The following CLUAP1 variants were observed in gnomAD, a reference collection of about 807,000 sequenced individuals.
CLUAP1 encodes clusterin-associated protein 1.
CLUAP1 carries 50 observed loss-of-function variants against 55.0 expected under a neutral mutation model. That is an observed-to-expected ratio of 0.91 (90% CI 0.72 to 1.15). The LOEUF (loss-of-function observed/expected upper bound fraction) is 1.15. CLUAP1 is among the 50% of genes most tolerant of loss of function. CLUAP1 has a pLI of 0.00. For missense variants in CLUAP1, 530 were observed against 507.6 expected (o/e 1.04, Z -0.42); for synonymous variants, 195 against 175.4 (o/e 1.11, Z -0.88).
chr16:3,512,334 T>C, intron 4 of CLUAP1, 49 bp from the exon 5 acceptor site: 1 of 1,446,090 alleles, frequency 6.9e-7, no homozygotes, highest in Non-Finnish European at 9.7e-7. Flanking sequence ...CTGTCTCTAT[T>C]AAAAAACATC....
At chr16:3,508,260 A>G in intron 3 of CLUAP1, 29 bp from the exon 4 acceptor site, 1 of 1,538,682 alleles carries the variant, frequency 6.5e-7, no homozygotes, top group South Asian at 1.2e-5. Flanking sequence ...AAGGGCCTTC[A>G]ACTTTTTTTT....
rs568637601 is a variant in CLUAP1, at chr16:3,538,562, T to C, written c.*2291T>C. On this transcript the variant is annotated 3_prime_UTR_variant, in exon 12 of 12. Transcript: ENST00000576634. ...ATAGAGTTCTATTTTCCTTATGTGA[T>C]GCTTTCTTCTAACACACTTTAACAC... 34 of 152,380 alleles carry C rather than the reference T, an allele frequency of 2.2e-4. No homozygotes were observed. The highest frequency in any genetic ancestry group is 7.7e-4 in the African/African-American group (32 of 41,590). 9.4% of individuals were successfully genotyped at this position (152,380 alleles called of 1,614,324 possible).
At chr16:3,501,452 G>A (rs761926086) in intron 1 of CLUAP1, among the ~76,000 whole-genome samples, 4 of 152,238 alleles carry the variant, frequency 2.6e-5, no homozygotes, top group Non-Finnish European at 4.4e-5. Flanking sequence ...AGAGTTTAGA[G>A]ACTATTTTTT....
the CLUAP1 span, chr16:3,495,620 T>C: frequency 3.4e-6 from 4 of 1,185,086 alleles, no homozygotes; most frequent in Non-Finnish European, 4.6e-6. Context: ...AAGAAAGGCA[T>C]GGGAAGGGGC....
At chr16:3,505,253 G>C (rs139169997) in intron 2 of CLUAP1, among the ~76,000 whole-genome samples, 1 of 152,122 alleles carries the variant, frequency 6.6e-6, no homozygotes, top group African/African-American at 2.4e-5. Flanking sequence ...AAATCAGGCC[G>C]GGCGCAGTGG....
chr16:3,518,322 C>G (rs533002264), intron 6 of CLUAP1, among the ~76,000 whole-genome samples: 2 of 152,130 alleles, frequency 1.3e-5, no homozygotes, highest in African/African-American at 4.8e-5. Flanking sequence ...AGTAGAACAC[C>G]CAAGAGAGGA....
chr16:3,522,988 G>C (rs117472079), intron 7 of CLUAP1, among the ~76,000 whole-genome samples, 170 bp from the exon 8 acceptor site: 2,522 of 152,174 alleles, frequency 0.017, 29 homozygotes, highest in Non-Finnish European at 0.027. Flanking sequence ...GTTCATTTTG[G>C]GGGGAGAAAG....
At chr16:3,506,309 C>G in intron 2 of CLUAP1, 22 bp from the exon 3 acceptor site, 1 of 1,598,352 alleles carries the variant, frequency 6.3e-7, no homozygotes, top group Non-Finnish European at 8.6e-7. Context: ...CCCGTGCTCT[C>G]TCCTCTTACC....
intron 5 of CLUAP1, 184 bp from the exon 6 acceptor site, chr16:3,515,324 C>G (rs1479236680): frequency 1.6e-5 from 8 of 489,798 alleles, no homozygotes; most frequent in Non-Finnish European, 7.0e-6. Context: ...CTGGAGAGAG[C>G]TGGGTAGGCA....
Position 3,519,884 on chromosome 16 carries a change from T to G in CLUAP1, c.580-19T>G. 1 of 1,574,462 alleles carries G rather than the reference T, an allele frequency of 6.4e-7. No individual in the cohort carries two copies. Among genetic ancestry groups the G allele is most frequent in the Non-Finnish European group, 8.6e-7 (1 of 1,166,566 alleles). ...TGTTTTTATTGCCACCTTGTCTCAT[T>G]ATTTCCCATTAAATATAGACACAGG... On this transcript the variant is annotated intron_variant, in intron 6 of 11. Transcript: ENST00000576634.
chr16:3,522,734 T>C (rs903570823), intron 7 of CLUAP1, among the ~76,000 whole-genome samples: 2 of 152,108 alleles, frequency 1.3e-5, no homozygotes, highest in African/African-American at 2.4e-5. Flanking sequence ...TTTAACTCTA[T>C]TGAGATTACG....
At position 3,529,600 on chromosome 16, in the gene CLUAP1, TATTATATATTATATAATATTATA is replaced by T. The variant is rs2038038496; in HGVS notation, c.929-967_929-945del. Among the ~76,000 whole-genome samples, 4 of 40,800 alleles carry T rather than the reference TATTATATATTATATAATATTATA, an allele frequency of 9.8e-5. 1 individual carries two copies. The highest frequency in any genetic ancestry group is 5.1e-4 in the African/African-American group (4 of 7,804). 26.8% of individuals were successfully genotyped at this position (40,800 alleles called of 152,430 possible). A position where few individuals can be genotyped will look rare whatever the true frequency, so the allele number is the denominator to read the frequency against. On this transcript the variant is annotated intron_variant, in intron 9 of 11. Transcript: ENST00000576634. Reference sequence around the variant, plus strand: ...TTATATAATATTATATATTATTATATATTATATATTATATAATATTATATATTATATATTATTATATATTATAT... The same window carrying T: ...TTATATAATATTATATATTATTATATTATTATATATTATTATATATTATAT...
intron 9 of CLUAP1, among the ~76,000 whole-genome samples, chr16:3,530,264 T>C (rs2038087755): frequency 6.6e-6 from 1 of 152,106 alleles, no homozygotes; most frequent in Non-Finnish European, 1.5e-5. Flanking sequence ...CACAGGCTTT[T>C]CGGAGACACA....
In CLUAP1 at chr16:3,518,237, C is replaced by G. The variant is rs542412475; in HGVS notation, c.580-1666C>G. 1.2e-4 allele frequency among the ~76,000 whole-genome samples: 19 copies of G among 152,150 alleles called. 1 individual carries two copies. The South Asian group carries it at 3.9e-3, about 32-fold the overall frequency. On this transcript the variant is annotated intron_variant, in intron 6 of 11. Coordinates refer to ENST00000576634, the MANE Select transcript of CLUAP1 (RefSeq NM_015041.3). ...AAAAATTAAAAAAAAATTATTATAC[C>G]TCTTATCCTTGCCAGTGTTCTAACT...
At chr16:3,529,485 TA>T (rs2038021335) in intron 9 of CLUAP1, among the ~76,000 whole-genome samples, 19 of 83,784 alleles carry the variant, frequency 2.3e-4, no homozygotes, top group Non-Finnish European at 3.9e-4. Flanking sequence ...TTATATATTA[TA>T]TAATTATATT....
chr16:3,523,806 A>G (rs2037886060), intron 8 of CLUAP1, among the ~76,000 whole-genome samples: 2 of 152,038 alleles, frequency 1.3e-5, no homozygotes, highest in African/African-American at 4.8e-5. Context: ...CTCTCATAAA[A>G]ATACAAAAAA....
chr16:3,523,386 GA>G, intron 8 of CLUAP1, 87 bp downstream of exon 8: 1 of 1,422,166 alleles, frequency 7.0e-7, no homozygotes, highest in Non-Finnish European at 9.4e-7. Context: ...ATATCATTGT[GA>G]AAAAAATATC....
the CLUAP1 span, chr16:3,495,626 G>A: frequency 7.1e-5 from 81 of 1,133,944 alleles, no homozygotes; most frequent in African/African-American, 1.2e-3. Context: ...GGCATGGGAA[G>A]GGGCCAGAAC....
chr16:3,529,433 TATATA>T lies in CLUAP1; in HGVS notation c.929-1134_929-1130del, dbSNP rs1344357675. Among the ~76,000 whole-genome samples, 4 of 74,386 alleles carry T rather than the reference TATATA, an allele frequency of 5.4e-5. No homozygotes were observed. The East Asian group carries it at 8.9e-4, about 17-fold the overall frequency. 48.8% of individuals were successfully genotyped at this position (74,386 alleles called of 152,430 possible). On this transcript the variant is annotated intron_variant, in intron 9 of 11. Transcript: ENST00000576634. ...ATGTCATATATATTATTATATATAA[TATATA>T]TTATATTATATATTATTATATATAA... is the stretch of plus-strand genomic sequence containing the variant.
Sources: allele counts gnomAD v4.1 joint callset (sites outside exome capture counted in the v4.1 genomes callset), GRCh38; gene constraint gnomAD v4.1.1; transcripts MANE v1.5; gene names NCBI Gene and HGNC (gene_info 2026-07-23, HGNC 2026-07-21).